Variants in SYTL4 observed in about 807,000 individuals in gnomAD.
SYTL4 encodes synaptotagmin like 4.
In SYTL4, 16 loss-of-function variants were observed where a neutral mutation model predicts 52.7. The ratio of observed to expected loss-of-function variants is 0.30; its 90% CI spans 0.21 to 0.46. The LOEUF (loss-of-function observed/expected upper bound fraction) is 0.46, where lower values mean the gene tolerates loss of function less well. Ranked by LOEUF, SYTL4 falls within the 20% of genes least tolerant of loss-of-function variation. The pLI, the probability that SYTL4 is intolerant of heterozygous loss-of-function variation, is 1.00. For synonymous variants in SYTL4, 160 were observed against 186.6 expected (o/e 0.86, Z 1.16); for missense variants, 423 against 519.9 (o/e 0.81, Z 1.81).
At chrX:100,683,095 A>T (rs1458909533) in intron 16 of SYTL4, among the ~76,000 whole-genome samples, 1 of 103,441 alleles carries the variant, frequency 9.7e-6, no homozygotes, top group East Asian at 3.0e-4. Context: ...CCAGAGCATG[A>T]GCTGGTGCAG....
rs1402988242 is a variant in SYTL4 at position 100,701,740 on chromosome X, G to A, written c.111-67C>T. 12 of 1,049,126 alleles carry A rather than the reference G, an allele frequency of 1.1e-5. No individual in the cohort carries two copies. The East Asian group carries it at 3.3e-4, about 29-fold the overall frequency. The allele number at this position is 1,049,126 out of a possible 1,213,427, so 86.5% of individuals were successfully genotyped here. On this transcript the variant is annotated intron_variant, in intron 5 of 19. Transcript: ENST00000372989. Reference sequence around the variant, plus strand: ...TGCATAGATTGGATGGAGAGGGGTTGAGAGGTAAAGACAGTAAGACTATTT... The same window carrying A: ...TGCATAGATTGGATGGAGAGGGGTTAAGAGGTAAAGACAGTAAGACTATTT...
chrX:100,710,434 G>T (rs781459804), intron 2 of SYTL4, among the ~76,000 whole-genome samples: 2 of 111,973 alleles, frequency 1.8e-5, no homozygotes, highest in South Asian at 7.5e-4. Context: ...AACTGATTTA[G>T]CTACGTCAAG....
intron 2 of SYTL4, among the ~76,000 whole-genome samples, chrX:100,723,784 G>A: frequency 9.1e-6 from 1 of 109,597 alleles, no homozygotes; most frequent in Admixed American, 9.5e-5. Flanking sequence ...CACCGTCTGA[G>A]AAGTGAGGAG....
At chrX:100,707,748 C>T (rs764064000) in intron 2 of SYTL4, among the ~76,000 whole-genome samples, 41 of 111,177 alleles carry the variant, frequency 3.7e-4, no homozygotes, top group Middle Eastern at 4.6e-3. Context: ...TCATTACATT[C>T]AGTCCCAGGT....
chrX:100,698,019 C>CAGAA (rs2083739310), intron 8 of SYTL4, among the ~76,000 whole-genome samples: 1 of 112,292 alleles, frequency 8.9e-6, no homozygotes, highest in Admixed American at 9.4e-5. Flanking sequence ...AGAAAGAACT[C>CAGAA]ATCAAGGATA....
intron 16 of SYTL4, among the ~76,000 whole-genome samples, chrX:100,683,700 G>A (rs943999986): frequency 8.9e-6 from 1 of 112,030 alleles, no homozygotes; most frequent in Non-Finnish European, 1.9e-5. Flanking sequence ...TATGGGAATG[G>A]TCTTTCTGTT....
chrX:100,690,649 A>G lies in SYTL4; in HGVS notation c.642-11T>C. 1 of 1,171,288 alleles carries G rather than the reference A, an allele frequency of 8.5e-7. No homozygotes were observed. Among genetic ancestry groups the G allele is most frequent in the Non-Finnish European group, 1.2e-6 (1 of 862,919 alleles). ...TCCAGAGAGTCTCTCCTGGAGGTAG[A>G]TTCAGAAATTATAACTAAGTCACCT... On this transcript the variant is annotated splice_polypyrimidine_tract_variant and intron_variant, in intron 9 of 19. Coordinates refer to ENST00000372989, the MANE Select transcript of SYTL4 (RefSeq NM_001370165.1).
intron 8 of SYTL4, among the ~76,000 whole-genome samples, chrX:100,698,364 A>C (rs747197854): frequency 8.9e-6 from 1 of 111,791 alleles, no homozygotes. Context: ...CGGCCTCCCA[A>C]AGTGCTGGGA....
intron 9 of SYTL4, among the ~76,000 whole-genome samples, 197 bp downstream of exon 9, chrX:100,690,911 T>A (rs2083584977): frequency 8.9e-6 from 1 of 112,637 alleles, no homozygotes; most frequent in South Asian, 3.7e-4. Context: ...CTGGGGGAAT[T>A]GACTAGAGAT....
rs947329688 is a variant in SYTL4, at chrX:100,732,023, C to G, written c.-347G>C. On this transcript the variant is annotated 5_prime_UTR_variant, in exon 1 of 20. Coordinates refer to ENST00000372989, the MANE Select transcript of SYTL4 (RefSeq NM_001370165.1). ...ACCTACCTGTCACTTGCAACAGGTG[C>G]CTCCAGAGATCGAGAAGTCCCAGTG... The G allele has an allele frequency of 8.9e-6, 1 of 112,002 alleles. No homozygotes were observed. The highest frequency in any genetic ancestry group is 1.9e-5 in the Non-Finnish European group (1 of 53,062). The allele number at this position is 112,002 out of a possible 1,213,427, so 9.2% of individuals were successfully genotyped here.
At chrX:100,684,652 T>C (rs1265661094) in intron 16 of SYTL4, 1 of 110,099 alleles carries the variant, frequency 9.1e-6, no homozygotes, top group Non-Finnish European at 1.9e-5. Flanking sequence ...TATAAATACA[T>C]GGATGCATAT....
intron 2 of SYTL4, among the ~76,000 whole-genome samples, chrX:100,720,124 G>A (rs778898060): frequency 2.7e-5 from 3 of 111,348 alleles, no homozygotes; most frequent in Non-Finnish European, 5.7e-5. Flanking sequence ...TTGGCAACAG[G>A]GAAAATACAT....
chrX:100,716,546 TA>T lies in SYTL4; in HGVS notation c.-239-11661del, dbSNP rs751442914. Among the ~76,000 whole-genome samples the T allele has an allele frequency of 5.6e-3, 242 of 43,298 alleles. 1 individual carries two copies. The highest frequency in any genetic ancestry group is 7.2e-3 in the Non-Finnish European group (148 of 20,652). The allele number at this position is 43,298 out of a possible 115,157, so 37.6% of individuals were successfully genotyped here. A position where few individuals can be genotyped will look rare whatever the true frequency, so the allele number is the denominator to read the frequency against. On this transcript the variant is annotated intron_variant, in intron 2 of 19. Coordinates refer to ENST00000372989, the MANE Select transcript of SYTL4 (RefSeq NM_001370165.1). ...AGAGTATATGGTGGTCTGCAAAACT[TA>T]AAAAAAAAAAAAAAAAAAAGAAAAA...
At chrX:100,679,970 A>T (rs1290614755) in intron 17 of SYTL4, among the ~76,000 whole-genome samples, 2 of 111,845 alleles carry the variant, frequency 1.8e-5, no homozygotes, top group Non-Finnish European at 3.8e-5. Context: ...CTTTAACCTT[A>T]TCTCTTCTTC....
At chrX:100,725,943 A>G (rs1196422844) in intron 2 of SYTL4, among the ~76,000 whole-genome samples, 2 of 111,362 alleles carry the variant, frequency 1.8e-5, no homozygotes, top group Non-Finnish European at 3.8e-5. Flanking sequence ...AGCAGTGTAG[A>G]TGCCATGGAA....
In SYTL4 at chrX:100,690,582, G is replaced by A. The variant is rs760310179; in HGVS notation, c.698C>T (p.Pro233Leu). ...LFPEWKKMSAPKSQVEKETQP... is the reference protein window; with the variant it reads ...LFPEWKKMSALKSQVEKETQP... ...GCTTACCTTTTCTACTTGAGATTTG[G>A]GAGCAGACATCTTCTTCCATTCTGG... Residue 233 changes from proline (P) to leucine (L), a missense_variant, in exon 10 of 20, where the codon CCC becomes CTC. Physicochemically the swap from Pro to Leu is moderately conservative, Grantham distance 98. Coordinates refer to ENST00000372989, the MANE Select transcript of SYTL4 (RefSeq NM_001370165.1). 12 of 1,204,135 alleles carry A rather than the reference G, an allele frequency of 1.0e-5. No individual in the cohort carries two copies. The highest frequency in any genetic ancestry group is 2.2e-5 in the Admixed American group (1 of 45,452).
chrX:100,676,288 G>A, intron 19 of SYTL4, 112 bp from the exon 20 acceptor site: 1 of 808,731 alleles, frequency 1.2e-6, no homozygotes, highest in East Asian at 3.2e-5. Context: ...ACGAAGATGG[G>A]CTAATGGCCA....
chrX:100,704,674 G>C (rs2083921710), intron 3 of SYTL4, 137 bp downstream of exon 3: 1 of 111,658 alleles, frequency 9.0e-6, no homozygotes, highest in Non-Finnish European at 1.9e-5. Flanking sequence ...AGGTAACTGG[G>C]CCCAGGAAAT....
At position 100,676,079 on chromosome X, in the gene SYTL4, T is replaced by C. The variant is rs1040530389; in HGVS notation, c.1965A>G (p.Glu655=). Residue 655 remains glutamate, a synonymous_variant, in exon 20 of 20, where the codon GAA becomes GAG. Transcript: ENST00000372989. ...TTGAGGAACGGAGCTGCAGAGTCCC[T>C]TCTGCCCAAGACCCTGGGTACTGTC... is the stretch of plus-strand genomic sequence containing the variant. ...KMRQYPGSWA[E]GTLQLRSSMA... The C allele has an allele frequency of 5.8e-6, 7 of 1,208,743 alleles. No individual in the cohort carries two copies. Among genetic ancestry groups the C allele is most frequent in the Non-Finnish European group, 7.8e-6 (7 of 894,846 alleles).
Sources: allele counts gnomAD v4.1 joint callset (sites outside exome capture counted in the v4.1 genomes callset), GRCh38; gene constraint gnomAD v4.1.1; transcripts MANE v1.5; gene names NCBI Gene and HGNC (gene_info 2026-07-23, HGNC 2026-07-21).